Variants in ADAMTS17 observed in about 807,000 individuals in gnomAD.
The protein encoded by ADAMTS17 is A disintegrin and metalloproteinase with thrombospondin motifs 17.
ADAMTS17 carries 113 observed loss-of-function variants against 141.5 expected under a neutral mutation model. That is an observed-to-expected ratio of 0.80 (90% confidence interval 0.69 to 0.93). The LOEUF (loss-of-function observed/expected upper bound fraction) is 0.93, where lower values mean the gene tolerates loss of function less well. Ranked by LOEUF, ADAMTS17 falls within the 40% of genes least tolerant of loss-of-function variation. The pLI is 0.00. For missense variants in ADAMTS17, 1,659 were observed against 1,517.9 expected (o/e 1.09, Z -1.54); for synonymous variants, 768 against 630.6 (o/e 1.22, Z -3.27).
At chr15:100,277,067 T>C (rs1427465996) in intron 4 of ADAMTS17, among the ~76,000 whole-genome samples, 3 of 152,162 alleles carry the variant, frequency 2.0e-5, no homozygotes, top group African/African-American at 7.2e-5. Flanking sequence ...ATTCGCCTTC[T>C]GGCTTGGATC....
At chr15:100,135,179 CAAAGA>C (rs1483038727) in intron 10 of ADAMTS17, among the ~76,000 whole-genome samples, 1 of 151,644 alleles carries the variant, frequency 6.6e-6, no homozygotes, top group East Asian at 1.9e-4. Flanking sequence ...TTCTAACCAT[CAAAGA>C]AAAGAAGAAT....
At chr15:100,116,130 G>T in intron 13 of ADAMTS17, among the ~76,000 whole-genome samples, 1 of 88,104 alleles carries the variant, frequency 1.1e-5, no homozygotes, top group Non-Finnish European at 2.0e-5. Flanking sequence ...AACAGTTTTA[G>T]GTAAAAAAAA....
chr15:100,123,334 G>C (rs773991991), intron 12 of ADAMTS17, among the ~76,000 whole-genome samples: 4 of 152,208 alleles, frequency 2.6e-5, no homozygotes, highest in Non-Finnish European at 5.9e-5. Flanking sequence ...AAGACAGCTT[G>C]ACAGGGCTAA....
intron 7 of ADAMTS17, among the ~76,000 whole-genome samples, chr15:100,208,747 T>A (rs1169289061): frequency 1.0e-5 from 1 of 98,382 alleles, no homozygotes; most frequent in East Asian, 3.0e-4. Context: ...CACACATGCA[T>A]GTGAAATAGA....
chr15:100,251,452 G>A lies in ADAMTS17; in HGVS notation c.1075+2684C>T, dbSNP rs149243122. 5.0e-3 allele frequency among the ~76,000 whole-genome samples: 768 copies of A among 152,362 alleles called. 8 individuals carry two copies. Among genetic ancestry groups the A allele is most frequent in the African/African-American group, 0.017 (720 of 41,586 alleles). ...AAAAGCTAATTAAGGTTGGCCGGGC[G>A]CAGTGGCTCATGCCTGTAATCCCAG... On this transcript the variant is annotated intron_variant, in intron 7 of 21. Transcript: ENST00000268070.
intron 18 of ADAMTS17, among the ~76,000 whole-genome samples, chr15:100,032,692 A>C (rs565362631): frequency 6.6e-6 from 1 of 152,248 alleles, no homozygotes; most frequent in East Asian, 1.9e-4. Flanking sequence ...TGTTTTTAAA[A>C]TGAGAACGAG....
chr15:100,020,017 A>C lies in ADAMTS17; in HGVS notation c.2592-22428T>G, dbSNP rs537013562. On this transcript the variant is annotated intron_variant, in intron 18 of 21. Coordinates refer to ENST00000268070, the MANE Select transcript of ADAMTS17 (RefSeq NM_139057.4). ...AGATTTGGAAAAAAAAGACTCCCAAAGCATAATGACGTGGCATAGTTTTCC... is the reference window on the plus strand; with the variant it reads ...AGATTTGGAAAAAAAAGACTCCCAACGCATAATGACGTGGCATAGTTTTCC... Among the ~76,000 whole-genome samples the C allele has an allele frequency of 9.3e-5, 14 of 150,632 alleles. 1 individual carries two copies. In the South Asian group the frequency reaches 2.9e-3, roughly 32 times the overall value.
rs531531034 is a variant in ADAMTS17 at position 100,301,653 on chromosome 15, GCTTATCAT to G, written c.617-20260_617-20253del. ...GCTTATGTAAGTTATATTTCATTAGGCTTATCATCTTTAGTAATTGGGTAGGCTATTCT... is the reference window on the plus strand; with the variant it reads ...GCTTATGTAAGTTATATTTCATTAGGCTTTAGTAATTGGGTAGGCTATTCT... On this transcript the variant is annotated intron_variant, in intron 3 of 21. Transcript: ENST00000268070. Among the ~76,000 whole-genome samples, 240 of 152,094 alleles carry G rather than the reference GCTTATCAT, an allele frequency of 1.6e-3. 2 individuals are homozygous for G. The highest frequency in any genetic ancestry group is 4.8e-3 in the African/African-American group (200 of 41,486).
intron 7 of ADAMTS17, among the ~76,000 whole-genome samples, chr15:100,207,252 G>T (rs1214642086): frequency 6.6e-6 from 1 of 152,166 alleles, no homozygotes; most frequent in African/African-American, 2.4e-5. Context: ...GGCAGGTGAG[G>T]ACACAGTGAG....
chr15:100,263,270 C>T (rs2142001787), intron 4 of ADAMTS17, among the ~76,000 whole-genome samples: 1 of 152,246 alleles, frequency 6.6e-6, no homozygotes, highest in South Asian at 2.1e-4. Flanking sequence ...CTACTCTCAG[C>T]TGGGAAACAC....
At chr15:100,010,696 G>A (rs2061147795) in intron 18 of ADAMTS17, among the ~76,000 whole-genome samples, 1 of 152,186 alleles carries the variant, frequency 6.6e-6, no homozygotes, top group Non-Finnish European at 1.5e-5. Context: ...TTTAACATGT[G>A]CCATGCATAG....
At chr15:100,257,441 G>A (rs942448901) in intron 6 of ADAMTS17, among the ~76,000 whole-genome samples, 10 of 152,234 alleles carry the variant, frequency 6.6e-5, no homozygotes, top group African/African-American at 2.4e-4. Context: ...GATCTGTTCA[G>A]TCCAGCAGCT....
chr15:100,192,101 G>A (rs1268517739), intron 8 of ADAMTS17, among the ~76,000 whole-genome samples: 4 of 152,200 alleles, frequency 2.6e-5, no homozygotes, highest in Non-Finnish European at 4.4e-5. Flanking sequence ...AACAACTCTG[G>A]AATTTGGGTA....
chr15:100,027,332 T>C (rs954055797), intron 18 of ADAMTS17, among the ~76,000 whole-genome samples: 4 of 152,232 alleles, frequency 2.6e-5, no homozygotes, highest in African/African-American at 9.6e-5. Context: ...GCATATAACA[T>C]TTACATATTA....
rs1289240183 is a variant in ADAMTS17, at chr15:99,976,188, C to T, written c.2984G>A (p.Arg995Gln). ...SSTCGKGLQS[R>Q]VVQCMHKVTG... ...GACCTTGTGCATGCACTGCACCACC[C>T]GGGACTGCAGGCCCTTCCCGCAGGT... Residue 995 changes from arginine to glutamine, a missense_variant, in exon 21 of 22, where the codon CGG becomes CAG. By Grantham distance (43) the Arg-to-Gln change is conservative. Transcript: ENST00000268070. 1.5e-5 allele frequency: 23 copies of T among 1,549,080 alleles called. No homozygotes were observed. The highest frequency in any genetic ancestry group is 1.7e-5 in the Non-Finnish European group (20 of 1,147,002).
chr15:100,237,911 C>A, intron 7 of ADAMTS17, among the ~76,000 whole-genome samples: 1 of 152,274 alleles, frequency 6.6e-6, no homozygotes, highest in Non-Finnish European at 1.5e-5. Context: ...GGTGTGAGCC[C>A]ACTGTGCCCG....
At position 100,149,462 on chromosome 15, in the gene ADAMTS17, C is replaced by T. The variant is rs561124061; in HGVS notation, c.1473+3150G>A. On this transcript the variant is annotated intron_variant, in intron 10 of 21. Transcript: ENST00000268070. Reference sequence around the variant, plus strand: ...TTAATCAGTAGTTCACATCTGTTCCCCTGGTCACCTGCTCCGTCCTGATTC... The same window carrying T: ...TTAATCAGTAGTTCACATCTGTTCCTCTGGTCACCTGCTCCGTCCTGATTC... Among the ~76,000 whole-genome samples the T allele has an allele frequency of 3.3e-5, 5 of 151,882 alleles. No homozygotes were observed. In the East Asian group the frequency reaches 7.7e-4, roughly 23 times the overall value.
Position 100,109,404 on chromosome 15 carries a change from A to T in ADAMTS17, c.1889-288T>A, listed in dbSNP as rs540340287. On this transcript the variant is annotated intron_variant, in intron 13 of 21. Transcript: ENST00000268070. ...AAGGCATCAACTATACCCGGTGAAC[A>T]AAGGAAGAGTTGTGTGCTAATCTCT... Among the ~76,000 whole-genome samples, 266 of 151,714 alleles carry T rather than the reference A, an allele frequency of 1.8e-3. 1 individual carries two copies. Among genetic ancestry groups the T allele is most frequent in the African/African-American group, 6.1e-3 (253 of 41,420 alleles).
chr15:100,215,926 A>C (rs550257544), intron 7 of ADAMTS17, among the ~76,000 whole-genome samples: 1 of 152,236 alleles, frequency 6.6e-6, no homozygotes, highest in Non-Finnish European at 1.5e-5. Flanking sequence ...TTACAAGAGC[A>C]GAGCTGACTC....
Sources: gnomAD v4.1 joint callset for allele counts (sites outside exome capture counted in the v4.1 genomes callset) on GRCh38, gnomAD v4.1.1 for gene constraint, MANE v1.5 for transcripts, NCBI Gene and HGNC (gene_info 2026-07-23, HGNC 2026-07-21) for gene names.